RAPGEF4: variants seen among roughly 807,000 people sequenced by gnomAD.
RAPGEF4 encodes the protein RAP guanine-nucleotide-exchange factor (GEF) 4.
A neutral mutation model predicts 147.9 loss-of-function variants in RAPGEF4; 66 were observed. The observed-to-expected ratio is 0.45, with a 90% CI of 0.37 to 0.55. The LOEUF is 0.55. Ranked by LOEUF, RAPGEF4 falls within the 20% of genes least tolerant of loss-of-function variation. The pLI, the probability that RAPGEF4 is intolerant of heterozygous loss-of-function variation, is 0.00. For synonymous variants in RAPGEF4, 419 were observed against 442.7 expected, an observed-to-expected ratio of 0.95 and a Z score of 0.67; for missense variants, 1,071 against 1,257.3, an observed-to-expected ratio of 0.85 and a Z score of 2.24.
intron 4 of RAPGEF4, among the ~76,000 whole-genome samples, chr2:172,866,549 G>A (rs1694668804): frequency 6.6e-6 from 1 of 152,070 alleles, no homozygotes; most frequent in Non-Finnish European, 1.5e-5. Context: ...ATTCATTGCT[G>A]TGGCTTCCGT....
At chr2:173,039,488 G>A (rs1304657153) in intron 29 of RAPGEF4, among the ~76,000 whole-genome samples, 1 of 151,802 alleles carries the variant, frequency 6.6e-6, no homozygotes, top group African/African-American at 2.4e-5. Context: ...GTTCAAGCAG[G>A]TATGGTAGAC....
At chr2:173,032,253 T>TG (rs934985025) in intron 26 of RAPGEF4, among the ~76,000 whole-genome samples, 1 of 152,172 alleles carries the variant, frequency 6.6e-6, no homozygotes, top group Non-Finnish European at 1.5e-5. Flanking sequence ...CCCCACCAGA[T>TG]GCTGGAAGCA....
intron 4 of RAPGEF4, 123 bp from the exon 5 acceptor site, chr2:172,917,679 C>T (rs752869606): frequency 1.1e-5 from 9 of 809,364 alleles, no homozygotes; most frequent in Middle Eastern, 2.3e-4. Context: ...CGTTTCATGG[C>T]TCTATAAATA....
At position 173,018,658 on chromosome 2, in the gene RAPGEF4, C is replaced by T. The variant is rs1339276730; in HGVS notation, c.2011C>T (p.Leu671=). ...ACCTTGTTACTGCCTTTGGATAGTT[C>T]TGTTTAAGGTCTATTGCATGGACCA... ...RQPIRGSDEV[L]FKVYCMDHTY... is the part of the protein sequence containing the mutation. Residue 671 remains leucine, a splice_region_variant and synonymous_variant, in exon 22 of 31, where the codon CTG becomes TTG. Transcript: ENST00000397081. 2 of 1,612,252 alleles carry T rather than the reference C, an allele frequency of 1.2e-6. No individual in the cohort carries two copies. The highest frequency in any genetic ancestry group is 1.3e-5 in the African/African-American group (1 of 74,762).
intron 10 of RAPGEF4, among the ~76,000 whole-genome samples, 191 bp from the exon 11 acceptor site, chr2:172,983,305 C>T (rs73977757): frequency 0.073 from 11,110 of 152,172 alleles, 599 homozygotes; most frequent in South Asian, 0.16. Flanking sequence ...CTCCCATATC[C>T]TTTCATCAAG....
intron 4 of RAPGEF4, among the ~76,000 whole-genome samples, chr2:172,860,681 C>T (rs1435164184): frequency 6.6e-6 from 1 of 151,256 alleles, no homozygotes; most frequent in Non-Finnish European, 1.5e-5. Context: ...GTATTTGTCA[C>T]CCAGCATTTC....
At chr2:172,820,009 A>G (rs1242317709) in intron 4 of RAPGEF4, among the ~76,000 whole-genome samples, 1 of 152,194 alleles carries the variant, frequency 6.6e-6, no homozygotes, top group Non-Finnish European at 1.5e-5. Context: ...CACAGATAGT[A>G]TAAGAGGGTT....
chr2:173,050,832 G>A (rs1309848322), intron 30 of RAPGEF4, among the ~76,000 whole-genome samples: 1 of 151,032 alleles, frequency 6.6e-6, no homozygotes, highest in Non-Finnish European at 1.5e-5. Flanking sequence ...GCAGAAGCCA[G>A]GTCATCACTT....
intron 4 of RAPGEF4, among the ~76,000 whole-genome samples, chr2:172,825,638 C>G (rs1689588656): frequency 6.6e-6 from 1 of 152,166 alleles, no homozygotes; most frequent in Non-Finnish European, 1.5e-5. Context: ...ATGATTGAGA[C>G]ATTAACCCTC....
intron 15 of RAPGEF4, among the ~76,000 whole-genome samples, chr2:172,994,854 G>T (rs1184863710): frequency 6.8e-6 from 1 of 147,474 alleles, no homozygotes; most frequent in Non-Finnish European, 1.5e-5. Flanking sequence ...GATGAAAGTA[G>T]ACTATTTTTT....
At chr2:172,775,936 A>G (rs533783507) in intron 1 of RAPGEF4, among the ~76,000 whole-genome samples, 2 of 152,266 alleles carry the variant, frequency 1.3e-5, no homozygotes, top group Admixed American at 1.3e-4. Flanking sequence ...TATAATCTTT[A>G]GTTTATAAGT....
chr2:172,953,005 G>C (rs186004082), intron 6 of RAPGEF4, among the ~76,000 whole-genome samples: 4 of 152,008 alleles, frequency 2.6e-5, no homozygotes, highest in Admixed American at 6.6e-5. Context: ...TGACAGGGGG[G>C]GTCCAGGCAG....
At position 172,770,239 on chromosome 2, in the gene RAPGEF4, A is replaced by T. The variant is rs567712425; in HGVS notation, c.66-24786A>T. Among the ~76,000 whole-genome samples, 6 of 152,344 alleles carry T rather than the reference A, an allele frequency of 3.9e-5. No individual in the cohort carries two copies. The South Asian group carries it at 1.2e-3, about 32-fold the overall frequency. The stretch of plus-strand genomic sequence containing the variant: ...AGAATGTTTGAAGTGGACCCCGATT[A>T]TCTGCCTGCCTGGGGCAGTCACACA... On this transcript the variant is annotated intron_variant, in intron 1 of 30. Transcript: ENST00000397081.
chr2:172,920,861 G>A (rs1172857638), intron 5 of RAPGEF4, among the ~76,000 whole-genome samples: 4 of 152,132 alleles, frequency 2.6e-5, no homozygotes, highest in East Asian at 3.9e-4. Flanking sequence ...TCAGAGTGCT[G>A]ACCTGAGGCC....
intron 4 of RAPGEF4, among the ~76,000 whole-genome samples, chr2:172,871,173 TA>T (rs1266615235): frequency 2.0e-5 from 3 of 152,212 alleles, no homozygotes; most frequent in African/African-American, 7.2e-5. Context: ...GAAATCCTGC[TA>T]ATCAGGCAGG....
chr2:173,001,198 G>T, intron 16 of RAPGEF4, 68 bp from the exon 17 acceptor site: 1 of 1,601,762 alleles, frequency 6.2e-7, no homozygotes, highest in Non-Finnish European at 8.5e-7. Context: ...CAAGTGAATG[G>T]ATACTCTTGC....
chr2:172,885,200 G>T (rs1194267404), intron 4 of RAPGEF4, among the ~76,000 whole-genome samples: 3 of 152,238 alleles, frequency 2.0e-5, no homozygotes, highest in Admixed American at 6.5e-5. Context: ...CAGCGTTACA[G>T]TGTGTTCCAC....
chr2:172,842,087 T>C (rs1382627850), intron 4 of RAPGEF4, among the ~76,000 whole-genome samples: 1 of 152,172 alleles, frequency 6.6e-6, no homozygotes, highest in East Asian at 1.9e-4. Flanking sequence ...AGACCATCTG[T>C]TATGTGTAAG....
Position 173,011,874 on chromosome 2 carries a change from G to A in RAPGEF4, c.1659-2590G>A, listed in dbSNP as rs551752342. ...TCTCAAAAAAAAAAAAACCACATTA[G>A]CACCTTAATTGTCCTATCTTGGGGT... On this transcript the variant is annotated intron_variant, in intron 17 of 30. Transcript: ENST00000397081. Among the ~76,000 whole-genome samples, 147 of 148,924 alleles carry A rather than the reference G, an allele frequency of 9.9e-4. 1 individual carries two copies. Among genetic ancestry groups the A allele is most frequent in the African/African-American group, 3.6e-3 (145 of 40,638 alleles).
Sources: allele counts gnomAD v4.1 joint callset (sites outside exome capture counted in the v4.1 genomes callset), GRCh38; gene constraint gnomAD v4.1.1; transcripts MANE v1.5; gene names NCBI Gene and HGNC (gene_info 2026-07-23, HGNC 2026-07-21).